SERPINB5: variants seen among roughly 807,000 people sequenced by gnomAD.
SERPINB5 encodes serpin family B member 5.
SERPINB5 carries 27 observed loss-of-function variants against 32.2 expected under a neutral mutation model. That is an observed-to-expected ratio of 0.84 (90% CI 0.62 to 1.16). SERPINB5 has a LOEUF of 1.16. SERPINB5 is among the 50% of genes most tolerant of loss of function. The probability of loss-of-function intolerance (pLI) is 0.00; values close to 1 mark genes in which losing one functional copy is unlikely to be tolerated. For synonymous variants in SERPINB5, 154 were observed against 157.4 expected (o/e 0.98, Z 0.16); for missense variants, 388 against 436.3 (o/e 0.89, Z 0.99).
chr18:63,486,301 C>T (rs1007394499), intron 2 of SERPINB5, among the ~76,000 whole-genome samples: 1 of 152,160 alleles, frequency 6.6e-6, no homozygotes, highest in African/African-American at 2.4e-5. Context: ...CTAGCCAGCC[C>T]AGGGCAGCCC....
Position 63,503,766 on chromosome 18 carries a change from G to T in SERPINB5, c.*44G>T. Reference sequence around the variant, plus strand: ...AGTCCTCCCTGACTTTTCTGTGGATGCCGATTTCTGTAAACTCTGCATCCA... The same window carrying T: ...AGTCCTCCCTGACTTTTCTGTGGATTCCGATTTCTGTAAACTCTGCATCCA... On this transcript the variant is annotated 3_prime_UTR_variant, in exon 7 of 7. Transcript: ENST00000382771. The T allele has an allele frequency of 6.4e-7, 1 of 1,571,906 alleles. No homozygotes were observed. Among genetic ancestry groups the T allele is most frequent in the Non-Finnish European group, 8.7e-7 (1 of 1,150,980 alleles).
Position 63,503,821 on chromosome 18 carries a change from C to T in SERPINB5, c.*99C>T. The T allele has an allele frequency of 5.5e-6, 7 of 1,268,318 alleles. No homozygotes were observed. Among genetic ancestry groups the T allele is most frequent in the Non-Finnish European group, 7.8e-6 (7 of 898,796 alleles). The allele number at this position is 1,268,318 out of a possible 1,614,324, so 78.6% of individuals were successfully genotyped here. ...TTCATTTTCTAGATACAATAAATTGCTAATGTTGCTGGATCAGGAAGCCGC... is the reference window on the plus strand; with the variant it reads ...TTCATTTTCTAGATACAATAAATTGTTAATGTTGCTGGATCAGGAAGCCGC... On this transcript the variant is annotated 3_prime_UTR_variant, in exon 7 of 7. Coordinates refer to ENST00000382771, the MANE Select transcript of SERPINB5 (RefSeq NM_002639.5).
At chr18:63,499,430 T>G in intron 6 of SERPINB5, 143 bp downstream of exon 6, 2 of 631,154 alleles carry the variant, frequency 3.2e-6, no homozygotes, top group Non-Finnish European at 4.9e-6. Context: ...GGACCCATGG[T>G]TCTTTCTGGG....
Position 63,497,405 on chromosome 18 carries a change from C to T in SERPINB5, c.568-1715C>T, listed in dbSNP as rs191452662. On this transcript the variant is annotated intron_variant, in intron 5 of 6. Transcript: ENST00000382771. ...CTTATCCTCTTCGCCATGTGAAGCT[C>T]TGTGGGGGTCACCTGCCTGTCCCTG... 2.1e-5 allele frequency: 24 copies of T among 1,127,570 alleles called. No individual in the cohort carries two copies. In the African/African-American group the frequency reaches 3.6e-4, roughly 17 times the overall value. The allele number at this position is 1,127,570 out of a possible 1,614,324, so 69.8% of individuals were successfully genotyped here. A position where few individuals can be genotyped will look rare whatever the true frequency, so the allele number is the denominator to read the frequency against.
chr18:63,493,060 T>A lies in SERPINB5; in HGVS notation c.532T>A (p.Ser178Thr). The change falls in exon 5 of 7, where the codon TCA becomes ACA. Residue 178 changes from serine (S) to threonine (T), a missense_variant. Physicochemically the swap from Ser to Thr is moderately conservative, Grantham distance 58 (BLOSUM62 1). Transcript: ENST00000382771. The stretch of plus-strand genomic sequence containing the variant: ...CAAGTGGATGAAGAAATTTTCTGAA[T>A]CAGAAACAAAAGAATGTCCTTTCAG... ...VGKWMKKFSE[S>T]ETKECPFRVN... The A allele has an allele frequency of 6.2e-7, 1 of 1,614,158 alleles. No homozygotes were observed. Among genetic ancestry groups the A allele is most frequent in the Non-Finnish European group, 8.5e-7 (1 of 1,180,030 alleles).
intron 5 of SERPINB5, among the ~76,000 whole-genome samples, chr18:63,494,195 G>A (rs369718889): frequency 8.5e-5 from 13 of 152,054 alleles, no homozygotes; most frequent in East Asian, 3.9e-4. Context: ...GGTGGCATGT[G>A]CCTGTAATCC....
intron 6 of SERPINB5, 125 bp from the exon 7 acceptor site, chr18:63,503,205 C>T (rs910575165): frequency 9.0e-7 from 1 of 1,105,050 alleles, no homozygotes. Flanking sequence ...TCTGGGCCAT[C>T]TTTGATGTTC....
intron 3 of SERPINB5, among the ~76,000 whole-genome samples, chr18:63,488,061 C>T (rs1917242128): frequency 6.6e-6 from 1 of 151,746 alleles, no homozygotes; most frequent in African/African-American, 2.4e-5. Flanking sequence ...GAGCATACAA[C>T]ATTTCTAGAA....
rs1555670766 is a variant in SERPINB5 at position 63,491,404 on chromosome 18, CAA to C, written c.425-1526_425-1525del. On this transcript the variant is annotated intron_variant, in intron 4 of 6. Coordinates refer to ENST00000382771, the MANE Select transcript of SERPINB5 (RefSeq NM_002639.5). ...GTGAGAAGAGAGAAACTGCGTCTCC[CAA>C]AAAAAAAAAAAAAAAAAAAAAAGAA... Among the ~76,000 whole-genome samples the C allele has an allele frequency of 7.0e-4, 57 of 81,418 alleles. No homozygotes were observed. In the East Asian group the frequency reaches 7.7e-3, roughly 11 times the overall value. The allele number at this position is 81,418 out of a possible 152,430, so 53.4% of individuals were successfully genotyped here.
At chr18:63,484,044 A>G (rs1317449158) in intron 1 of SERPINB5, among the ~76,000 whole-genome samples, 1 of 152,240 alleles carries the variant, frequency 6.6e-6, no homozygotes, top group Non-Finnish European at 1.5e-5. Context: ...TTAACTTTGT[A>G]GTTTAACTGA....
Position 63,497,071 on chromosome 18 carries a change from C to G in SERPINB5, c.568-2049C>G, listed in dbSNP as rs190142640. The G allele has an allele frequency of 3.3e-5, 19 of 581,782 alleles. No homozygotes were observed. The African/African-American group carries it at 3.5e-4, about 11-fold the overall frequency. The allele number at this position is 581,782 out of a possible 1,614,324, so 36.0% of individuals were successfully genotyped here. ...GGTCTAATCCGGCCTGTGTCTGCCT[C>G]CTTCTTGAATAGCCCAGAGCATTCA... On this transcript the variant is annotated intron_variant, in intron 5 of 6. Transcript: ENST00000382771.
At position 63,489,483 on chromosome 18, in the gene SERPINB5, T is replaced by C. The variant is rs775786521; in HGVS notation, c.424+19T>C. The C allele has an allele frequency of 1.4e-6, 2 of 1,408,752 alleles. No homozygotes were observed. The highest frequency in any genetic ancestry group is 3.5e-5 in the Admixed American group (2 of 56,860). The allele number at this position is 1,408,752 out of a possible 1,614,324, so 87.3% of individuals were successfully genotyped here. A position where few individuals can be genotyped will look rare whatever the true frequency, so the allele number is the denominator to read the frequency against. ...ACAGATGGCAAGTACCCTTTAATTG[T>C]TCTGCTATCAATCACCAAGTAAACA... is the stretch of plus-strand genomic sequence containing the variant. On this transcript the variant is annotated intron_variant, in intron 4 of 6. Transcript: ENST00000382771.
chr18:63,480,439 A>C (rs1487582609), intron 1 of SERPINB5, among the ~76,000 whole-genome samples: 1 of 152,130 alleles, frequency 6.6e-6, no homozygotes, highest in Admixed American at 6.5e-5. Context: ...AAGGCAACAG[A>C]ATGAAAAAAA....
Position 63,503,826 on chromosome 18 carries a change from G to A in SERPINB5, c.*104G>A. The stretch of plus-strand genomic sequence containing the variant: ...TTTCTAGATACAATAAATTGCTAAT[G>A]TTGCTGGATCAGGAAGCCGCCAGTA... On this transcript the variant is annotated 3_prime_UTR_variant, in exon 7 of 7. Coordinates refer to ENST00000382771, the MANE Select transcript of SERPINB5 (RefSeq NM_002639.5). 1 of 1,242,846 alleles carries A rather than the reference G, an allele frequency of 8.0e-7. No homozygotes were observed. The highest frequency in any genetic ancestry group is 2.3e-5 in the East Asian group (1 of 42,980). 77.0% of individuals were successfully genotyped at this position (1,242,846 alleles called of 1,614,324 possible). A position where few individuals can be genotyped will look rare whatever the true frequency, so the allele number is the denominator to read the frequency against.
At position 63,499,243 on chromosome 18, in the gene SERPINB5, C is replaced by T; in HGVS notation, c.691C>T (p.Leu231=). Reference sequence around the variant, plus strand: ...AAATAAGCATCTCAGCATGTTCATCCTACTACCCAAGGATGTGGAGGATGA... The same window carrying T: ...AAATAAGCATCTCAGCATGTTCATCTTACTACCCAAGGATGTGGAGGATGA... The part of the protein sequence containing the change: ...FQNKHLSMFI[L]LPKDVEDEST... Residue 231 remains leucine (L), a synonymous_variant, in exon 6 of 7, where the codon CTA becomes TTA. Transcript: ENST00000382771. The T allele has an allele frequency of 1.3e-6, 2 of 1,598,650 alleles. No individual in the cohort carries two copies. Among genetic ancestry groups the T allele is most frequent in the Non-Finnish European group, 1.7e-6 (2 of 1,171,898 alleles).
rs760217928 is a variant in SERPINB5, at chr18:63,489,481, T to G, written c.424+17T>G. On this transcript the variant is annotated intron_variant, in intron 4 of 6. Coordinates refer to ENST00000382771, the MANE Select transcript of SERPINB5 (RefSeq NM_002639.5). The stretch of plus-strand genomic sequence containing the variant: ...TCACAGATGGCAAGTACCCTTTAAT[T>G]GTTCTGCTATCAATCACCAAGTAAA... 2 of 1,420,602 alleles carry G rather than the reference T, an allele frequency of 1.4e-6. No individual in the cohort carries two copies. Among genetic ancestry groups the G allele is most frequent in the Non-Finnish European group, 2.0e-6 (2 of 1,010,384 alleles). The allele number at this position is 1,420,602 out of a possible 1,614,324, so 88.0% of individuals were successfully genotyped here.
Position 63,503,359 on chromosome 18 carries a change from G to A in SERPINB5, c.765G>A (p.Leu255=). ...AAAAACAACTCAACTCAGAGTCACT[G>A]TCACAGTGGACTAATCCCAGCACCA... The part of the protein sequence containing the change: ...KIEKQLNSES[L]SQWTNPSTMA... The change falls in exon 7 of 7, where the codon CTG becomes CTA. Residue 255 remains leucine (L), a synonymous_variant. Coordinates refer to ENST00000382771, the MANE Select transcript of SERPINB5 (RefSeq NM_002639.5). The A allele has an allele frequency of 2.5e-6, 4 of 1,614,050 alleles. No individual in the cohort carries two copies. The highest frequency in any genetic ancestry group is 3.4e-6 in the Non-Finnish European group (4 of 1,180,010).
chr18:63,484,739 A>AACT, intron 2 of SERPINB5, 143 bp downstream of exon 2: 1 of 144,452 alleles, frequency 6.9e-6, no homozygotes, highest in Non-Finnish European at 1.3e-5. Flanking sequence ...GACTCTCTTA[A>AACT]TCTTTTTTTT....
At chr18:63,492,314 G>C (rs1439908111) in intron 4 of SERPINB5, among the ~76,000 whole-genome samples, 1 of 152,204 alleles carries the variant, frequency 6.6e-6, no homozygotes, top group South Asian at 2.1e-4. Context: ...AGAGCTGTGG[G>C]GTGAAGGGGA....
Sources: gnomAD v4.1 joint callset for allele counts (sites outside exome capture counted in the v4.1 genomes callset) on GRCh38, gnomAD v4.1.1 for gene constraint, MANE v1.5 for transcripts, NCBI Gene and HGNC (gene_info 2026-07-23, HGNC 2026-07-21) for gene names.